Variants in OS9 observed in about 807,000 individuals in gnomAD.
OS9 encodes the protein OS9 endoplasmic reticulum lectin.
In OS9, 58 loss-of-function variants were observed where a neutral mutation model predicts 84.7. That is an observed-to-expected ratio of 0.68 (90% CI 0.55 to 0.85). OS9 has a LOEUF of 0.85. Ranked by LOEUF, OS9 falls within the 40% of genes least tolerant of loss-of-function variation. OS9 has a pLI of 0.00. For synonymous variants in OS9, 278 were observed against 320.8 expected, an observed-to-expected ratio of 0.87 and a Z score of 1.43; for missense variants, 760 against 850.9, an observed-to-expected ratio of 0.89 and a Z score of 1.33.
intron 11 of OS9, 73 bp from the exon 12 acceptor site, chr12:57,718,920 C>T: frequency 9.1e-7 from 1 of 1,092,968 alleles, no homozygotes. Context: ...TCAGACTCTC[C>T]TACAGAGCCC....
Position 57,716,115 on chromosome 12 carries a change from A to C in OS9, c.814A>C (p.Ile272Leu), listed in dbSNP as rs1479840043. Residue 272 changes from isoleucine (I) to leucine (L), a missense_variant, in exon 7 of 15, where the codon ATC (isoleucine) becomes CTC (leucine). Transcript: ENST00000315970. ...QADSKQYGDK[I>L]IEELQDLGPQ... ...AGACTCAAAGCAGTATGGAGATAAA[A>C]TCATAGAGGAGCTGCAAGATCTAGG... is the stretch of plus-strand genomic sequence containing the variant. The C allele has an allele frequency of 1.2e-6, 2 of 1,613,666 alleles. No individual in the cohort carries two copies. The highest frequency in any genetic ancestry group is 3.3e-5 in the Admixed American group (2 of 60,000).
At chr12:57,716,824 T>A in intron 9 of OS9, 80 bp downstream of exon 9, 1 of 1,333,944 alleles carries the variant, frequency 7.5e-7, no homozygotes, top group Non-Finnish European at 1.1e-6. Flanking sequence ...GAGCTAAGCC[T>A]GGGAGGGAGG....
chr12:57,694,325 T>G lies in OS9; in HGVS notation c.162+2T>G. The stretch of plus-strand genomic sequence containing the variant: ...CCGTTGCCTGTCATGGGAGGGCAGG[T>G]GAGAGGCGTATAAGGGGCGAGGGTC... On this transcript the variant is annotated splice_donor_variant, in intron 1 of 14. Coordinates refer to ENST00000315970, the MANE Select transcript of OS9 (RefSeq NM_006812.4). LOFTEE classifies it high-confidence loss of function. 6.2e-7 allele frequency: 1 copy of G among 1,613,576 alleles called. No homozygotes were observed. The highest frequency in any genetic ancestry group is 8.5e-7 in the Non-Finnish European group (1 of 1,179,854).
intron 5 of OS9, among the ~76,000 whole-genome samples, chr12:57,700,950 A>G (rs940062796): frequency 1.3e-5 from 2 of 152,204 alleles, no homozygotes; most frequent in Admixed American, 1.3e-4. Context: ...ATAGAGACCC[A>G]TAAATTCACT....
chr12:57,695,630 A>G (rs3825078), intron 2 of OS9, 150 bp from the exon 3 acceptor site: 6 of 723,078 alleles, frequency 8.3e-6, no homozygotes, highest in African/African-American at 1.7e-5. Flanking sequence ...CTCCTTACTG[A>G]AAGTCTGGAG....
In OS9 at chr12:57,720,215, G is replaced by C; in HGVS notation, c.1717G>C (p.Glu573Gln). 6.2e-7 allele frequency: 1 copy of C among 1,614,180 alleles called. No homozygotes were observed. The highest frequency in any genetic ancestry group is 8.5e-7 in the Non-Finnish European group (1 of 1,180,038). The change falls in exon 13 of 15, where the codon GAG becomes CAG. Residue 573 changes from glutamate to glutamine, a missense_variant. Glu to Gln is a conservative substitution (Grantham distance 29). Coordinates refer to ENST00000315970, the MANE Select transcript of OS9 (RefSeq NM_006812.4). ...GGAAAACCCACAGCTGAAACAAATC[G>C]AGGGGCTGGTGAAGGAGCTGCTGGA... Reference protein sequence around the residue: ...KRENPQLKQIEGLVKELLERE... With the variant: ...KRENPQLKQIQGLVKELLERE...
intron 5 of OS9, among the ~76,000 whole-genome samples, chr12:57,699,474 C>A (rs774961300): frequency 6.6e-6 from 1 of 152,080 alleles, no homozygotes; most frequent in Non-Finnish European, 1.5e-5. Context: ...AGAGAGGAGG[C>A]TATGGTGACA....
At position 57,701,055 on chromosome 12, in the gene OS9, A is replaced by G. The variant is rs537261625; in HGVS notation, c.579+4682A>G. On this transcript the variant is annotated intron_variant, in intron 5 of 14. Transcript: ENST00000315970. ...ATGCTTGTGCTAATAGCTAAAGCCC[A>G]CCTTCATATTTAGTCACTCTCCCTC... Among the ~76,000 whole-genome samples the G allele has an allele frequency of 3.1e-5, 4 of 127,102 alleles. 1 individual carries two copies. The South Asian group carries it at 1.1e-3, about 36-fold the overall frequency. The allele number at this position is 127,102 out of a possible 152,430, so 83.4% of individuals were successfully genotyped here.
At chr12:57,706,639 C>T (rs1046838082) in intron 5 of OS9, among the ~76,000 whole-genome samples, 1 of 151,734 alleles carries the variant, frequency 6.6e-6, no homozygotes, top group African/African-American at 2.4e-5. Flanking sequence ...ATTTCTTGAG[C>T]CTAGGAGCCC....
At chr12:57,701,550 A>G (rs1412989824) in intron 5 of OS9, among the ~76,000 whole-genome samples, 1 of 151,936 alleles carries the variant, frequency 6.6e-6, no homozygotes, top group Non-Finnish European at 1.5e-5. Flanking sequence ...TGCTGGGATT[A>G]CAGGTGTGAG....
chr12:57,713,453 C>T (rs1326589175), intron 5 of OS9, among the ~76,000 whole-genome samples: 3 of 152,104 alleles, frequency 2.0e-5, no homozygotes, highest in African/African-American at 7.2e-5. Context: ...TGTGAAACCT[C>T]CACTCTCTGA....
rs749881810 is a variant in OS9, at chr12:57,718,259, G to GGAGGATGAGGAT, written c.1263_1274dup (p.Asp426_Glu429dup). ...AACGGCAGAGAGAGATGGAAGAAGA[G>GGAGGATGAGGAT]GAGGATGAGGATGAGGATGAGGATG... On this transcript the variant is annotated inframe_insertion, in exon 11 of 15. Transcript: ENST00000315970. 8.1e-6 allele frequency: 13 copies of GGAGGATGAGGAT among 1,614,024 alleles called. No individual in the cohort carries two copies. Among genetic ancestry groups the GGAGGATGAGGAT allele is most frequent in the Admixed American group, 1.7e-5 (1 of 60,000 alleles).
In OS9 at chr12:57,720,971, C is replaced by G; in HGVS notation, c.*62C>G. ...CTCTTCCTGGACTGGCTTGCCTCCT[C>G]CCCACCTCCCCACCCTGGAACCCCT... On this transcript the variant is annotated 3_prime_UTR_variant, in exon 15 of 15. Transcript: ENST00000315970. 3 of 1,580,108 alleles carry G rather than the reference C, an allele frequency of 1.9e-6. 1 individual carries two copies. The South Asian group carries it at 3.4e-5, about 18-fold the overall frequency.
At chr12:57,720,299 G>A (rs561169546) in intron 13 of OS9, 36 bp downstream of exon 13, 36 of 1,612,398 alleles carry the variant, frequency 2.2e-5, no homozygotes, top group East Asian at 4.5e-5. Flanking sequence ...CAGTGCTGTC[G>A]GAAGGGCAAG....
intron 5 of OS9, among the ~76,000 whole-genome samples, chr12:57,707,927 T>C (rs1002977116): frequency 2.2e-5 from 3 of 136,676 alleles, no homozygotes; most frequent in African/African-American, 7.5e-5. Context: ...CCTGTCTCTA[T>C]GGAAAAAAAA....
intron 10 of OS9, 38 bp downstream of exon 10, chr12:57,717,996 C>G (rs751869349): frequency 6.4e-7 from 1 of 1,566,232 alleles, no homozygotes; most frequent in South Asian, 1.2e-5. Context: ...GAACCCACCT[C>G]CCAACTGCGA....
chr12:57,718,478 ACAGGCTGACGGGCTAAAAGAAACAGAGGG>A, intron 11 of OS9, 57 bp downstream of exon 11: 1 of 1,560,424 alleles, frequency 6.4e-7, no homozygotes, highest in Non-Finnish European at 8.7e-7. Flanking sequence ...GTGGAGCAGG[ACAGGCTGACGGGCTAAAAGAAACAGAGGG>A]CACAGCACAG....
At chr12:57,702,758 T>G (rs958114832) in intron 5 of OS9, among the ~76,000 whole-genome samples, 4 of 152,238 alleles carry the variant, frequency 2.6e-5, no homozygotes, top group Non-Finnish European at 5.9e-5. Flanking sequence ...TCTTTTTCTT[T>G]TTTTTCAGTA....
rs1954508739 is a variant in OS9 at position 57,716,674 on chromosome 12, C to G, written c.994-19C>G. 1 of 1,613,150 alleles carries G rather than the reference C, an allele frequency of 6.2e-7. No individual in the cohort carries two copies. The highest frequency in any genetic ancestry group is 1.3e-5 in the African/African-American group (1 of 74,882). On this transcript the variant is annotated intron_variant, in intron 8 of 14. Coordinates refer to ENST00000315970, the MANE Select transcript of OS9 (RefSeq NM_006812.4). Reference sequence around the variant, plus strand: ...TGAACAGGCTTTCATACTTGACTCTCTCCTTTTCTCCTCGTCAGGAGCAGG... The same window carrying G: ...TGAACAGGCTTTCATACTTGACTCTGTCCTTTTCTCCTCGTCAGGAGCAGG...
Sources: gnomAD v4.1 joint callset for allele counts (sites outside exome capture counted in the v4.1 genomes callset) on GRCh38, gnomAD v4.1.1 for gene constraint, MANE v1.5 for transcripts, NCBI Gene and HGNC (gene_info 2026-07-23, HGNC 2026-07-21) for gene names.